The following SLC16A10 variants were observed in gnomAD, a reference collection of about 807,000 sequenced individuals.
SLC16A10 encodes the protein monocarboxylate transporter 10.
In SLC16A10, 27 loss-of-function variants were observed where a neutral mutation model predicts 40.0. That is an observed-to-expected ratio of 0.67 (90% CI 0.50 to 0.93). The LOEUF is 0.93. Among genes scored for constraint, SLC16A10 ranks in the 40% least tolerant of loss-of-function variants. The pLI, the probability that SLC16A10 is intolerant of heterozygous loss-of-function variation, is 0.00. For synonymous variants in SLC16A10, 213 were observed against 249.8 expected, an observed-to-expected ratio of 0.85 and a Z score of 1.39; for missense variants, 529 against 658.2, an observed-to-expected ratio of 0.80 and a Z score of 2.15.
intron 1 of SLC16A10, among the ~76,000 whole-genome samples, chr6:111,132,812 A>C (rs1388944587): frequency 6.6e-6 from 1 of 152,220 alleles, no homozygotes; most frequent in African/African-American, 2.4e-5. Flanking sequence ...CAGGTAATTG[A>C]GGGAAAAAAC....
At chr6:111,114,579 A>G (rs1459010098) in intron 1 of SLC16A10, among the ~76,000 whole-genome samples, 2 of 152,228 alleles carry the variant, frequency 1.3e-5, no homozygotes, top group East Asian at 3.8e-4. Context: ...TTTCAAAGGA[A>G]ATAAGGTAAA....
intron 1 of SLC16A10, among the ~76,000 whole-genome samples, chr6:111,105,763 G>A (rs780265690): frequency 2.0e-5 from 3 of 152,196 alleles, no homozygotes; most frequent in African/African-American, 7.2e-5. Context: ...GTTGACTCAC[G>A]TGCTGTCCTG....
At chr6:111,114,113 G>T (rs933189708) in intron 1 of SLC16A10, among the ~76,000 whole-genome samples, 6 of 151,452 alleles carry the variant, frequency 4.0e-5, no homozygotes, top group Admixed American at 1.3e-4. Context: ...TTTCCATCTT[G>T]TTTTGTATAC....
chr6:111,131,875 C>G (rs1344573092), intron 1 of SLC16A10, among the ~76,000 whole-genome samples: 1 of 152,198 alleles, frequency 6.6e-6, no homozygotes, highest in East Asian at 1.9e-4. Flanking sequence ...TGACCTATAC[C>G]TCTTGGTCCT....
Position 111,177,310 on chromosome 6 carries a change from A to G in SLC16A10, c.587A>G (p.Lys196Arg), listed in dbSNP as rs774749152. Residue 196 changes from lysine (K) to arginine (R), a missense_variant, in exon 3 of 6, where the codon AAG becomes AGG. Lys to Arg is a conservative substitution (Grantham distance 26). Transcript: ENST00000368851. ...TTGGTCATTTTGGGACACTATTTCAAGAAGCGCCTTGGACTGGTGAATGGC... is the reference window on the plus strand; with the variant it reads ...TTGGTCATTTTGGGACACTATTTCAGGAAGCGCCTTGGACTGGTGAATGGC... ...PSLVILGHYF[K>R]KRLGLVNGIV... 4.3e-6 allele frequency: 7 copies of G among 1,612,514 alleles called. No homozygotes were observed. Among genetic ancestry groups the G allele is most frequent in the South Asian group, 1.1e-5 (1 of 90,902 alleles).
At chr6:111,094,799 G>A (rs1482132231) in intron 1 of SLC16A10, among the ~76,000 whole-genome samples, 1 of 151,996 alleles carries the variant, frequency 6.6e-6, no homozygotes, top group Non-Finnish European at 1.5e-5. Flanking sequence ...CACCATGGCC[G>A]GCTAATTAAA....
chr6:111,124,171 T>C (rs1360534790), intron 1 of SLC16A10, among the ~76,000 whole-genome samples: 1 of 152,076 alleles, frequency 6.6e-6, no homozygotes, highest in Non-Finnish European at 1.5e-5. Flanking sequence ...TGGCAGGAAG[T>C]AGGTAAACTG....
At chr6:111,178,545 T>C in intron 3 of SLC16A10, 1 of 383,376 alleles carries the variant, frequency 2.6e-6, no homozygotes, top group East Asian at 8.1e-5. Flanking sequence ...ACTTCATCCC[T>C]ACCTGGGGAA....
rs760677263 is a variant in SLC16A10, at chr6:111,178,354, G to A, written c.942+689G>A. 1.5e-5 allele frequency: 8 copies of A among 530,446 alleles called. No individual in the cohort carries two copies. In the East Asian group the frequency reaches 4.4e-4, roughly 29 times the overall value. 32.9% of individuals were successfully genotyped at this position (530,446 alleles called of 1,614,324 possible). ...AGAACTATGGTTTTATAGGAAATTA[G>A]GATTTCAAGTGCTCAAGAAGTTTAT... On this transcript the variant is annotated intron_variant, in intron 3 of 5. Coordinates refer to ENST00000368851, the MANE Select transcript of SLC16A10 (RefSeq NM_018593.5).
chr6:111,100,043 TA>T (rs1485774995), intron 1 of SLC16A10, among the ~76,000 whole-genome samples: 6 of 150,892 alleles, frequency 4.0e-5, no homozygotes, highest in African/African-American at 1.5e-4. Flanking sequence ...AAAAAAAGGT[TA>T]TTTTTTTTCA....
intron 3 of SLC16A10, among the ~76,000 whole-genome samples, chr6:111,191,187 C>T (rs1257878512): frequency 6.6e-6 from 1 of 152,010 alleles, no homozygotes; most frequent in Non-Finnish European, 1.5e-5. Context: ...CTCCCCTGAC[C>T]AGCCCTGGAA....
At position 111,226,951 on chromosome 6, in the gene SLC16A10, G is replaced by A. The variant is rs1771006067; in HGVS notation, c.*4716G>A. On this transcript the variant is annotated 3_prime_UTR_variant, in exon 6 of 6. Transcript: ENST00000368851. ...TTCAAGACTCAGCCTGGGCAACATA[G>A]TGAGATTTCGTCTCTACAAAAAAAA... 6.6e-6 allele frequency: 1 copy of A among 152,252 alleles called. No individual in the cohort carries two copies. The highest frequency in any genetic ancestry group is 1.5e-5 in the Non-Finnish European group (1 of 68,078). 9.4% of individuals were successfully genotyped at this position (152,252 alleles called of 1,614,324 possible). A position where few individuals can be genotyped will look rare whatever the true frequency, so the allele number is the denominator to read the frequency against.
chr6:111,215,678 T>G (rs548835367), intron 4 of SLC16A10, among the ~76,000 whole-genome samples: 61 of 152,314 alleles, frequency 4.0e-4, no homozygotes, highest in African/African-American at 1.4e-3. Context: ...TCTCCTTTTA[T>G]GTTTGTACAT....
At chr6:111,129,150 T>C (rs559615545) in intron 1 of SLC16A10, among the ~76,000 whole-genome samples, 3 of 152,336 alleles carry the variant, frequency 2.0e-5, no homozygotes, top group Admixed American at 6.5e-5. Flanking sequence ...ACTAATTGAT[T>C]GGAATGATGC....
intron 1 of SLC16A10, among the ~76,000 whole-genome samples, chr6:111,120,104 G>C (rs575247429): frequency 2.0e-5 from 3 of 152,182 alleles, no homozygotes; most frequent in Admixed American, 2.0e-4. Context: ...AGAGATTTGC[G>C]TATGTCCTCA....
In SLC16A10 at chr6:111,226,283, C is replaced by T. The variant is rs961604604; in HGVS notation, c.*4048C>T. 1 of 151,982 alleles carries T rather than the reference C, an allele frequency of 6.6e-6. No individual in the cohort carries two copies. The highest frequency in any genetic ancestry group is 1.5e-5 in the Non-Finnish European group (1 of 68,006). 9.4% of individuals were successfully genotyped at this position (151,982 alleles called of 1,614,324 possible). A position where few individuals can be genotyped will look rare whatever the true frequency, so the allele number is the denominator to read the frequency against. On this transcript the variant is annotated 3_prime_UTR_variant, in exon 6 of 6. Coordinates refer to ENST00000368851, the MANE Select transcript of SLC16A10 (RefSeq NM_018593.5). ...TTCATTAAATCTTAGTTCCGAGAGC[C>T]CAGCATGAAGGGTGACTGGGAATGT... is the stretch of plus-strand genomic sequence containing the variant.
At chr6:111,156,029 C>T (rs1254458530) in intron 1 of SLC16A10, among the ~76,000 whole-genome samples, 1 of 152,046 alleles carries the variant, frequency 6.6e-6, no homozygotes, top group Admixed American at 6.6e-5. Context: ...ATAAACTGCT[C>T]CCCAATAATG....
Position 111,087,757 on chromosome 6 carries a change from T to C in SLC16A10, c.5T>C (p.Val2Ala), listed in dbSNP as rs1770892961. ...CTGAGGGGCCCGCCTCGGGCCATGG[T>C]GCTCTCCCAGGAGGAGCCGGACTCC... Reference protein sequence around the residue: MVLSQEEPDSAR... With the variant: MALSQEEPDSAR... Residue 2 changes from valine to alanine, a missense_variant, in exon 1 of 6, where the codon GTG (valine) becomes GCG (alanine). Physicochemically the swap from Val to Ala is moderately conservative, Grantham distance 64 (BLOSUM62 0). Transcript: ENST00000368851. 2 of 1,211,004 alleles carry C rather than the reference T, an allele frequency of 1.7e-6. No homozygotes were observed. The highest frequency in any genetic ancestry group is 4.4e-5 in the Admixed American group (1 of 22,650). 75.0% of individuals were successfully genotyped at this position (1,211,004 alleles called of 1,614,324 possible). A position where few individuals can be genotyped will look rare whatever the true frequency, so the allele number is the denominator to read the frequency against.
chr6:111,092,759 G>A (rs896107866), intron 1 of SLC16A10, among the ~76,000 whole-genome samples: 1 of 151,816 alleles, frequency 6.6e-6, no homozygotes, highest in African/African-American at 2.4e-5. Flanking sequence ...GCAATTTTGG[G>A]CTGGGCGCAG....
Sources: allele counts gnomAD v4.1 joint callset (sites outside exome capture counted in the v4.1 genomes callset), GRCh38; gene constraint gnomAD v4.1.1; transcripts MANE v1.5; gene names NCBI Gene and HGNC (gene_info 2026-07-23, HGNC 2026-07-21).